ZNF385D: variants seen among roughly 807,000 people sequenced by gnomAD.
ZNF385D encodes zinc finger protein 385D, also known as zinc finger protein 659.
Under a neutral mutation model 35.8 loss-of-function variants are expected in ZNF385D, and 15 were observed. The ratio of observed to expected loss-of-function variants is 0.42; its 90% confidence interval spans 0.28 to 0.64. ZNF385D has a LOEUF of 0.64. Ranked by LOEUF, ZNF385D falls within the 30% of genes least tolerant of loss-of-function variation. The pLI is 0.23. For synonymous variants in ZNF385D, 212 were observed against 186.8 expected (o/e 1.13, Z -1.10); for missense variants, 474 against 494.6 (o/e 0.96, Z 0.39).
rs542501284 is a variant in ZNF385D, at chr3:21,823,945, T to C, written c.326-158917A>G. 1.1e-4 allele frequency among the ~76,000 whole-genome samples: 16 copies of C among 152,316 alleles called. No individual in the cohort carries two copies. In the South Asian group the frequency reaches 3.3e-3, roughly 32 times the overall value. On this transcript the variant is annotated intron_variant, in intron 3 of 5. Coordinates refer to the ZNF385D transcript ENST00000494108. ...AATCTCAGGTGAAGTTGTCACTTTA[T>C]TGAGAAATCATTAAATTATTACACT...
At chr3:22,274,216 G>A (rs1337379113) in intron 2 of ZNF385D, among the ~76,000 whole-genome samples, 1 of 151,702 alleles carries the variant, frequency 6.6e-6, no homozygotes, top group African/African-American at 2.4e-5. Context: ...GAAGAAAGAA[G>A]AACAAAGAAT....
chr3:21,699,736 T>G (rs758728440), intron 1 of ZNF385D, among the ~76,000 whole-genome samples: 1 of 151,788 alleles, frequency 6.6e-6, no homozygotes, highest in Non-Finnish European at 1.5e-5. Context: ...TTAATTTTCC[T>G]TGTTTTGCTT....
chr3:21,503,458 A>G (rs372135769), intron 4 of ZNF385D, among the ~76,000 whole-genome samples: 16 of 152,132 alleles, frequency 1.1e-4, no homozygotes, highest in African/African-American at 3.6e-4. Flanking sequence ...ATAGAAAACT[A>G]TTTGCTTGTT....
chr3:21,902,845 A>G (rs1699479507), intron 3 of ZNF385D, among the ~76,000 whole-genome samples: 7 of 152,084 alleles, frequency 4.6e-5, no homozygotes, highest in Admixed American at 4.6e-4. Context: ...TTAAAGTATA[A>G]TAATAATTAA....
chr3:21,941,265 T>C (rs1197828590), intron 3 of ZNF385D, among the ~76,000 whole-genome samples: 4 of 152,154 alleles, frequency 2.6e-5, no homozygotes. Context: ...TAATGCCATT[T>C]TTGGGGAAAT....
chr3:22,144,164 TAAG>T (rs1704698353), intron 3 of ZNF385D, among the ~76,000 whole-genome samples: 1 of 152,216 alleles, frequency 6.6e-6, no homozygotes, highest in Non-Finnish European at 1.5e-5. Context: ...TAGCTAAATT[TAAG>T]TAGTTATAAT....
intron 3 of ZNF385D, among the ~76,000 whole-genome samples, chr3:21,788,324 C>A (rs375786578): frequency 1.3e-5 from 2 of 152,078 alleles, no homozygotes; most frequent in African/African-American, 4.8e-5. Flanking sequence ...ACTAAAAATA[C>A]AAAATTAGCC....
intron 2 of ZNF385D, among the ~76,000 whole-genome samples, chr3:22,313,511 G>C (rs1166735332): frequency 6.6e-6 from 1 of 152,030 alleles, no homozygotes; most frequent in Non-Finnish European, 1.5e-5. Flanking sequence ...GAAATTCAAT[G>C]AAGAATATGG....
At chr3:21,443,898 G>T (rs985100070) in intron 4 of ZNF385D, among the ~76,000 whole-genome samples, 19 of 152,122 alleles carry the variant, frequency 1.2e-4, no homozygotes, top group Admixed American at 5.9e-4. Flanking sequence ...TTTCAAAGCT[G>T]TCCAATTTAT....
intron 2 of ZNF385D, among the ~76,000 whole-genome samples, chr3:22,307,761 AAC>A (rs1014545736): frequency 2.6e-5 from 4 of 151,454 alleles, no homozygotes; most frequent in Non-Finnish European, 5.9e-5. Flanking sequence ...AAAAAAAAAA[AAC>A]TTTCTTTCTT....
chr3:21,816,319 G>T (rs1415224897), intron 3 of ZNF385D, among the ~76,000 whole-genome samples: 1 of 152,178 alleles, frequency 6.6e-6, no homozygotes, highest in Non-Finnish European at 1.5e-5. Flanking sequence ...AGTGTTGGAA[G>T]TTTGGGCCAG....
rs1174569821 is a variant in ZNF385D at position 21,974,668 on chromosome 3, T to C, written c.325+194149A>G. ...AATGGAAGTAAATATTTTCAAGCTATCTATCTGATAAGGGATTACTAACCA... is the reference window on the plus strand; with the variant it reads ...AATGGAAGTAAATATTTTCAAGCTACCTATCTGATAAGGGATTACTAACCA... On this transcript the variant is annotated intron_variant, in intron 3 of 5. Transcript: ENST00000494108. 2.0e-5 allele frequency among the ~76,000 whole-genome samples: 3 copies of C among 152,092 alleles called. No individual in the cohort carries two copies. In the East Asian group the frequency reaches 5.8e-4, roughly 29 times the overall value.
At chr3:21,569,802 G>A (rs746161172) in intron 2 of ZNF385D, among the ~76,000 whole-genome samples, 1,675 of 149,616 alleles carry the variant, frequency 0.011, 17 homozygotes, top group Non-Finnish European at 0.018. Flanking sequence ...GTAAACTATC[G>A]CAAGGACAAA....
intron 3 of ZNF385D, among the ~76,000 whole-genome samples, chr3:22,077,542 G>T (rs1700524320): frequency 6.6e-6 from 1 of 151,884 alleles, no homozygotes; most frequent in Non-Finnish European, 1.5e-5. Context: ...CTTAGCAAAG[G>T]CCCACTAAGG....
At position 21,516,485 on chromosome 3, in the gene ZNF385D, G is replaced by T. The variant is rs1052557976; in HGVS notation, c.277-5462C>A. Among the ~76,000 whole-genome samples the T allele has an allele frequency of 2.9e-4, 44 of 152,224 alleles. 1 individual carries two copies. The highest frequency in any genetic ancestry group is 3.3e-4 in the Admixed American group (5 of 15,284). Reference sequence around the variant, plus strand: ...TATGTCTCCCTCCCAGTACCAGGAAGATAAAGATGACTCTAAATCACTAGA... The same window carrying T: ...TATGTCTCCCTCCCAGTACCAGGAATATAAAGATGACTCTAAATCACTAGA... On this transcript the variant is annotated intron_variant, in intron 3 of 7. Coordinates refer to ENST00000281523, the MANE Select transcript of ZNF385D (RefSeq NM_024697.3).
chr3:22,004,626 A>G (rs1339446811), intron 3 of ZNF385D, among the ~76,000 whole-genome samples: 1 of 152,198 alleles, frequency 6.6e-6, no homozygotes, highest in African/African-American at 2.4e-5. Context: ...CTGTAAAGAT[A>G]AAAATGTTAC....
intron 2 of ZNF385D, among the ~76,000 whole-genome samples, chr3:21,614,935 T>C (rs1426924738): frequency 6.6e-6 from 1 of 152,172 alleles, no homozygotes; most frequent in Non-Finnish European, 1.5e-5. Context: ...TAGCTAGAAC[T>C]CAGACACATG....
intron 2 of ZNF385D, among the ~76,000 whole-genome samples, chr3:22,240,646 T>C (rs965892541): frequency 3.3e-5 from 5 of 151,012 alleles, no homozygotes; most frequent in East Asian, 2.0e-4. Flanking sequence ...GTTGCAGCAA[T>C]TGACCCACAA....
At chr3:22,099,391 C>CT (rs1701806261) in intron 3 of ZNF385D, among the ~76,000 whole-genome samples, 1 of 152,020 alleles carries the variant, frequency 6.6e-6, no homozygotes, top group African/African-American at 2.4e-5. Flanking sequence ...TAAATAATTT[C>CT]TTAAAGTATG....
Sources: allele counts gnomAD v4.1 joint callset (sites outside exome capture counted in the v4.1 genomes callset), GRCh38; gene constraint gnomAD v4.1.1; transcripts MANE v1.5; gene names NCBI Gene and HGNC (gene_info 2026-07-23, HGNC 2026-07-21).